SLC4A4: variants seen among roughly 807,000 people sequenced by gnomAD.
SLC4A4 encodes the protein electrogenic sodium bicarbonate cotransporter 1.
In SLC4A4, 27 loss-of-function variants were observed where a neutral mutation model predicts 111.5. The observed-to-expected ratio is 0.24, with a 90% CI of 0.18 to 0.33. SLC4A4 has a LOEUF of 0.33. Ranked by LOEUF, SLC4A4 falls within the 10% of genes least tolerant of loss-of-function variation. SLC4A4 has a pLI of 1.00. For synonymous variants in SLC4A4, 443 were observed against 463.4 expected (o/e 0.96, Z 0.57); for missense variants, 909 against 1,315.5 (o/e 0.69, Z 4.78).
intron 6 of SLC4A4, among the ~76,000 whole-genome samples, chr4:71,385,395 T>A (rs1578978104): frequency 6.6e-6 from 1 of 151,148 alleles, no homozygotes; most frequent in Admixed American, 6.6e-5. Flanking sequence ...ACGGGGTTTC[T>A]CCATGTTGAT....
At chr4:71,443,116 C>CTCTCTCTCTCTCTCTCTA (rs1198759861) in intron 8 of SLC4A4, among the ~76,000 whole-genome samples, 1 of 65,652 alleles carries the variant, frequency 1.5e-5, no homozygotes, top group Non-Finnish European at 2.6e-5. Flanking sequence ...CTCTCTCTCT[C>CTCTCTCTCTCTCTCTCTA]TATATATATA....
chr4:71,359,175 G>A (rs752833249), intron 6 of SLC4A4, among the ~76,000 whole-genome samples: 3 of 152,140 alleles, frequency 2.0e-5, no homozygotes, highest in Non-Finnish European at 4.4e-5. Flanking sequence ...AGTTAATATC[G>A]CTCGCCATTC....
chr4:71,508,254 G>A (rs1731597187), intron 16 of SLC4A4, among the ~76,000 whole-genome samples: 1 of 151,934 alleles, frequency 6.6e-6, no homozygotes. Context: ...ACTGAATGAG[G>A]TAGAGACATG....
intron 16 of SLC4A4, among the ~76,000 whole-genome samples, chr4:71,531,106 G>A (rs1733874830): frequency 6.6e-6 from 1 of 152,118 alleles, no homozygotes; most frequent in Non-Finnish European, 1.5e-5. Context: ...GCTAACATGT[G>A]TATGCACCGT....
intron 8 of SLC4A4, among the ~76,000 whole-genome samples, chr4:71,444,833 A>G (rs562590840): frequency 6.6e-6 from 1 of 152,266 alleles, no homozygotes; most frequent in South Asian, 2.1e-4. Context: ...ATTCCTCCAG[A>G]TGACATTTTT....
At chr4:71,475,344 T>A (rs796203158) in intron 14 of SLC4A4, among the ~76,000 whole-genome samples, 51 of 151,972 alleles carry the variant, frequency 3.4e-4, no homozygotes, top group African/African-American at 1.2e-3. Flanking sequence ...GGAAGACATA[T>A]CTAAATGTGT....
intron 6 of SLC4A4, among the ~76,000 whole-genome samples, chr4:71,393,838 G>A (rs548695458): frequency 6.6e-4 from 100 of 152,256 alleles, no homozygotes; most frequent in African/African-American, 2.2e-3. Context: ...GAACAGAATA[G>A]AGAACCCAGA....
intron 2 of SLC4A4, among the ~76,000 whole-genome samples, chr4:71,179,472 A>G (rs1745215194): frequency 6.6e-6 from 1 of 152,188 alleles, no homozygotes; most frequent in Non-Finnish European, 1.5e-5. Flanking sequence ...TCTCAGCCCA[A>G]AATCTCCTTA....
chr4:71,210,926 A>C lies in SLC4A4; in HGVS notation c.-2+23525A>C, dbSNP rs577518773. ...ATGCAGCTGCAGTTATAAAGATGAA[A>C]AGTGATAGAGAAAAAATATTTGCTA... On this transcript the variant is annotated intron_variant, in intron 1 of 25. Transcript: ENST00000264485. Among the ~76,000 whole-genome samples, 6 of 152,358 alleles carry C rather than the reference A, an allele frequency of 3.9e-5. No individual in the cohort carries two copies. In the South Asian group the frequency reaches 1.2e-3, roughly 32 times the overall value.
chr4:71,360,664 AT>A (rs1279208363), intron 6 of SLC4A4, among the ~76,000 whole-genome samples: 2 of 152,270 alleles, frequency 1.3e-5, no homozygotes, highest in East Asian at 3.9e-4. Flanking sequence ...AACTATACTC[AT>A]TTGCCAGCTA....
chr4:71,407,221 G>C (rs148481423), intron 7 of SLC4A4, among the ~76,000 whole-genome samples: 1 of 152,194 alleles, frequency 6.6e-6, no homozygotes, highest in Non-Finnish European at 1.5e-5. Flanking sequence ...CTAATTACCA[G>C]AATTACTATT....
At chr4:71,395,821 A>G (rs1370813872) in intron 6 of SLC4A4, among the ~76,000 whole-genome samples, 2 of 152,224 alleles carry the variant, frequency 1.3e-5, no homozygotes, top group African/African-American at 4.8e-5. Flanking sequence ...TTATTTGATG[A>G]TTAGAAATTT....
chr4:71,563,921 T>G, intron 24 of SLC4A4, 32 bp downstream of exon 24: 1 of 1,337,476 alleles, frequency 7.5e-7, no homozygotes, highest in Middle Eastern at 1.8e-4. Context: ...CATGCTTGCT[T>G]GAATATGATT....
chr4:71,246,476 A>C (rs1053901682), intron 2 of SLC4A4, among the ~76,000 whole-genome samples: 1 of 152,226 alleles, frequency 6.6e-6, no homozygotes, highest in Non-Finnish European at 1.5e-5. Context: ...AAGGAATAAA[A>C]GGTGTTGAAA....
chr4:71,175,003 T>C (rs1269846179), intron 2 of SLC4A4, among the ~76,000 whole-genome samples: 1 of 152,250 alleles, frequency 6.6e-6, no homozygotes, highest in East Asian at 1.9e-4. Context: ...TTAGACATTC[T>C]AGTCTTGTCA....
chr4:71,419,158 G>C (rs893348601), intron 7 of SLC4A4, among the ~76,000 whole-genome samples: 1 of 152,322 alleles, frequency 6.6e-6, no homozygotes, highest in Admixed American at 6.5e-5. Context: ...GGACACACTT[G>C]AGGAGGCAGT....
chr4:71,266,977 A>G (rs1425393188), intron 3 of SLC4A4, among the ~76,000 whole-genome samples: 1 of 152,232 alleles, frequency 6.6e-6, no homozygotes, highest in Non-Finnish European at 1.5e-5. Context: ...AGAATGTGGT[A>G]ATTACTAACT....
chr4:71,273,890 C>T (rs1722887223), intron 3 of SLC4A4, among the ~76,000 whole-genome samples: 1 of 152,082 alleles, frequency 6.6e-6, no homozygotes, highest in Non-Finnish European at 1.5e-5. Flanking sequence ...CTGTCTGACT[C>T]ATGGAACTGT....
At chr4:71,375,746 T>C (rs1732290169) in intron 6 of SLC4A4, among the ~76,000 whole-genome samples, 2 of 152,140 alleles carry the variant, frequency 1.3e-5, no homozygotes, top group Admixed American at 6.5e-5. Flanking sequence ...AAATCCAGCT[T>C]GCCACCTGGT....
Sources: gnomAD v4.1 joint callset for allele counts (sites outside exome capture counted in the v4.1 genomes callset) on GRCh38, gnomAD v4.1.1 for gene constraint, MANE v1.5 for transcripts, NCBI Gene and HGNC (gene_info 2026-07-23, HGNC 2026-07-21) for gene names.